Variants in RAB38 observed in about 807,000 individuals in gnomAD.
RAB38 encodes the protein RAB38, member RAS oncogene family.
RAB38 carries 15 observed loss-of-function variants against 18.4 expected under a neutral mutation model. That is an observed-to-expected ratio of 0.82 (90% CI 0.55 to 1.26). The LOEUF is 1.26. Ranked by LOEUF, RAB38 falls within the 50% of genes most tolerant of loss-of-function variation. RAB38 has a pLI of 0.00. For missense variants in RAB38, 294 were observed against 267.4 expected, an observed-to-expected ratio of 1.10 and a Z score of -0.69; for synonymous variants, 101 against 104.4, an observed-to-expected ratio of 0.97 and a Z score of 0.20.
chr11:87,970,168 A>T, the RAB38 span, among the ~76,000 whole-genome samples: 1 of 152,078 alleles, frequency 6.6e-6, no homozygotes, highest in East Asian at 1.9e-4. Context: ...TCAACTTGGG[A>T]GCAAAATTGA....
chr11:87,950,841 G>T, the RAB38 span, among the ~76,000 whole-genome samples: 16 of 152,164 alleles, frequency 1.1e-4, no homozygotes, highest in African/African-American at 3.9e-4. Context: ...TTTCAACCTT[G>T]GTGAATCAGA....
At chr11:88,009,574 G>A in the RAB38 span, among the ~76,000 whole-genome samples, 1 of 152,174 alleles carries the variant, frequency 6.6e-6, no homozygotes, top group South Asian at 2.1e-4. Context: ...AAGGAGTTAT[G>A]CGGTGAGTTT....
At chr11:88,052,063 C>T in the RAB38 span, among the ~76,000 whole-genome samples, 6 of 152,126 alleles carry the variant, frequency 3.9e-5, no homozygotes, top group African/African-American at 1.4e-4. Flanking sequence ...GTGGAGGTTG[C>T]AGTGAGCTAA....
At chr11:88,160,702 C>T (rs887915396) in intron 1 of RAB38, among the ~76,000 whole-genome samples, 1 of 152,084 alleles carries the variant, frequency 6.6e-6, no homozygotes, top group African/African-American at 2.4e-5. Flanking sequence ...TAGCTGGAGG[C>T]CATTACCCTA....
At chr11:87,858,228 T>A in the RAB38 span, among the ~76,000 whole-genome samples, 1 of 152,140 alleles carries the variant, frequency 6.6e-6, no homozygotes, top group South Asian at 2.1e-4. Flanking sequence ...TCTATATCTC[T>A]CTTTTGGTAC....
the RAB38 span, among the ~76,000 whole-genome samples, chr11:88,028,750 T>C: frequency 1.3e-5 from 2 of 152,188 alleles, no homozygotes. Flanking sequence ...AATCTACGTC[T>C]GATTGGTGTA....
At chr11:87,945,974 C>G in the RAB38 span, among the ~76,000 whole-genome samples, 1 of 152,108 alleles carries the variant, frequency 6.6e-6, no homozygotes, top group Non-Finnish European at 1.5e-5. Flanking sequence ...AGATAATGCA[C>G]TGTGATGGCC....
chr11:88,113,145 C>T (rs2134764697), downstream of RAB38: 1 of 151,870 alleles, frequency 6.6e-6, no homozygotes, highest in South Asian at 2.1e-4. Flanking sequence ...CTCATCTCCT[C>T]CTTGAAATAA....
chr11:87,954,518 A>G, the RAB38 span, among the ~76,000 whole-genome samples: 1 of 152,094 alleles, frequency 6.6e-6, no homozygotes, highest in Non-Finnish European at 1.5e-5. Flanking sequence ...CTACTGAAAG[A>G]CCTGCATAAA....
At chr11:87,878,547 C>T in the RAB38 span, among the ~76,000 whole-genome samples, 1 of 151,480 alleles carries the variant, frequency 6.6e-6, no homozygotes, top group African/African-American at 2.4e-5. Flanking sequence ...AAGAATTCAT[C>T]CCAAGGCAAT....
the RAB38 span, among the ~76,000 whole-genome samples, chr11:87,870,828 T>C: frequency 2.6e-5 from 4 of 151,648 alleles, no homozygotes; most frequent in Non-Finnish European, 4.4e-5. Context: ...TGTTTGTGTA[T>C]GGAATAACTA....
the RAB38 span, among the ~76,000 whole-genome samples, chr11:87,900,721 AG>A: frequency 6.8e-6 from 1 of 148,046 alleles, no homozygotes; most frequent in Non-Finnish European, 1.5e-5. Context: ...GAAGAGAGGT[AG>A]GGAAGAAGGA....
chr11:87,960,679 G>A, the RAB38 span, among the ~76,000 whole-genome samples: 1 of 152,094 alleles, frequency 6.6e-6, no homozygotes, highest in African/African-American at 2.4e-5. Flanking sequence ...CTGCATTTCG[G>A]TTACATAACT....
At chr11:88,019,701 C>A in the RAB38 span, among the ~76,000 whole-genome samples, 4 of 152,160 alleles carry the variant, frequency 2.6e-5, no homozygotes, top group African/African-American at 9.7e-5. Flanking sequence ...TGCACTCCTA[C>A]TTCAGTCTCT....
the RAB38 span, among the ~76,000 whole-genome samples, chr11:88,042,297 C>T: frequency 2.3e-4 from 35 of 152,308 alleles, no homozygotes; most frequent in Non-Finnish European, 4.6e-4. Flanking sequence ...CAGCCGGTTC[C>T]TGCACACAGC....
chr11:87,822,153 G>GA, the RAB38 span, among the ~76,000 whole-genome samples: 40 of 144,980 alleles, frequency 2.8e-4, no homozygotes, highest in South Asian at 8.7e-4. Flanking sequence ...AAAAGTGTAA[G>GA]AAAAAAAAAA....
At chr11:87,942,666 G>A in the RAB38 span, among the ~76,000 whole-genome samples, 11 of 152,092 alleles carry the variant, frequency 7.2e-5, no homozygotes, top group Admixed American at 7.2e-4. Context: ...AGACTAGAAG[G>A]AACACTAGGG....
the RAB38 span, among the ~76,000 whole-genome samples, chr11:87,976,497 T>A: frequency 1.0e-5 from 1 of 98,792 alleles, no homozygotes; most frequent in African/African-American, 4.1e-5. Context: ...TATATATTTA[T>A]ATATTTGTAA....
the RAB38 span, among the ~76,000 whole-genome samples, chr11:88,035,512 T>A: frequency 1.3e-5 from 2 of 152,152 alleles, no homozygotes; most frequent in African/African-American, 4.8e-5. Flanking sequence ...CAATAGGCCA[T>A]CTGCCAGCTG....
Sources: allele counts gnomAD v4.1 joint callset (sites outside exome capture counted in the v4.1 genomes callset), GRCh38; gene constraint gnomAD v4.1.1; transcripts MANE v1.5; gene names NCBI Gene and HGNC (gene_info 2026-07-23, HGNC 2026-07-21).